ROBO2: variants seen among roughly 807,000 people sequenced by gnomAD.
ROBO2 encodes the protein roundabout guidance receptor 2, also known as roundabout homolog 2.
Under a neutral mutation model 160.8 loss-of-function variants are expected in ROBO2, and 53 were observed. The observed-to-expected ratio is 0.33, with a 90% CI of 0.26 to 0.41. The LOEUF (loss-of-function observed/expected upper bound fraction) is 0.41. Ranked by LOEUF, ROBO2 falls within the 10% of genes least tolerant of loss-of-function variation. The pLI, the probability that ROBO2 is intolerant of heterozygous loss-of-function variation, is 1.00. For missense variants in ROBO2, 1,577 were observed against 1,722.4 expected (o/e 0.92, Z 1.49); for synonymous variants, 664 against 611.7 (o/e 1.09, Z -1.26).
At chr3:77,324,150 C>T (rs1327982977) in intron 2 of ROBO2, among the ~76,000 whole-genome samples, 2 of 152,150 alleles carry the variant, frequency 1.3e-5, no homozygotes, top group Admixed American at 1.3e-4. Flanking sequence ...TCAACACAGT[C>T]TCCATGATAA....
At chr3:77,376,128 G>A (rs2072612207) in intron 2 of ROBO2, among the ~76,000 whole-genome samples, 1 of 146,880 alleles carries the variant, frequency 6.8e-6, no homozygotes, top group South Asian at 2.2e-4. Context: ...AAAGGCAAAT[G>A]AACATTACAA....
intron 19 of ROBO2, among the ~76,000 whole-genome samples, chr3:77,601,806 T>C (rs2094435727): frequency 6.6e-6 from 1 of 152,234 alleles, no homozygotes. Flanking sequence ...AGTCCATGTC[T>C]CTTGGGATAA....
At chr3:77,255,230 G>A (rs191550844) in intron 2 of ROBO2, among the ~76,000 whole-genome samples, 2 of 152,164 alleles carry the variant, frequency 1.3e-5, no homozygotes, top group Non-Finnish European at 2.9e-5. Context: ...AAAATGTTGA[G>A]CAAGCCTTTC....
At chr3:76,729,322 T>C (rs2093599117) in intron 2 of ROBO2, among the ~76,000 whole-genome samples, 1 of 152,034 alleles carries the variant, frequency 6.6e-6, no homozygotes. Flanking sequence ...GATATAGTAA[T>C]AAAAATCATA....
chr3:76,386,581 G>A (rs1452488724), intron 2 of ROBO2, among the ~76,000 whole-genome samples: 2 of 152,006 alleles, frequency 1.3e-5, no homozygotes, highest in African/African-American at 2.4e-5. Context: ...TCTTCAAAAT[G>A]AGGCCAATTG....
At chr3:76,676,279 T>C (rs2092405766) in intron 2 of ROBO2, among the ~76,000 whole-genome samples, 1 of 151,700 alleles carries the variant, frequency 6.6e-6, no homozygotes, top group African/African-American at 2.4e-5. Flanking sequence ...GATCTGATGG[T>C]TTTGTAAAGG....
intron 2 of ROBO2, among the ~76,000 whole-genome samples, chr3:76,685,987 T>G (rs1019954590): frequency 6.6e-6 from 1 of 152,152 alleles, no homozygotes; most frequent in Non-Finnish European, 1.5e-5. Flanking sequence ...AGCAAAAGGT[T>G]AATGAGAAGC....
intron 2 of ROBO2, among the ~76,000 whole-genome samples, chr3:76,178,839 G>A (rs944930804): frequency 5.3e-5 from 8 of 152,054 alleles, no homozygotes; most frequent in Admixed American, 2.0e-4. Context: ...TACTCCGGAG[G>A]CTGAAGCAGG....
intron 2 of ROBO2, among the ~76,000 whole-genome samples, chr3:76,189,730 A>G (rs1701922655): frequency 6.6e-6 from 1 of 152,106 alleles, no homozygotes; most frequent in Admixed American, 6.6e-5. Flanking sequence ...TTTTCTATGA[A>G]AAGAAGAGCT....
chr3:77,121,996 A>C (rs1191675633), intron 2 of ROBO2, among the ~76,000 whole-genome samples: 1 of 152,158 alleles, frequency 6.6e-6, no homozygotes, highest in Admixed American at 6.5e-5. Flanking sequence ...ACAGCTAGCC[A>C]GAGGGGATTT....
intron 2 of ROBO2, among the ~76,000 whole-genome samples, chr3:76,160,095 G>A (rs1342849962): frequency 6.6e-6 from 1 of 152,074 alleles, no homozygotes; most frequent in East Asian, 1.9e-4. Flanking sequence ...ATAAGCAAAT[G>A]TTATTTTTTG....
At chr3:76,272,523 C>T (rs912699813) in intron 2 of ROBO2, among the ~76,000 whole-genome samples, 3 of 149,944 alleles carry the variant, frequency 2.0e-5, no homozygotes, top group African/African-American at 4.9e-5. Context: ...ATTAGCTGGG[C>T]GTGGTGGCGC....
intron 2 of ROBO2, among the ~76,000 whole-genome samples, chr3:76,508,676 G>A (rs546057279): frequency 6.2e-4 from 94 of 152,224 alleles, no homozygotes; most frequent in African/African-American, 1.8e-3. Flanking sequence ...ATAAGTTGCT[G>A]AAGCAAATAT....
At chr3:76,173,697 CT>C (rs1246269066) in intron 2 of ROBO2, among the ~76,000 whole-genome samples, 4 of 151,968 alleles carry the variant, frequency 2.6e-5, no homozygotes, top group East Asian at 3.9e-4. Flanking sequence ...TGAGCTCATT[CT>C]TTTTTTATGG....
chr3:76,326,356 AT>A (rs895785784), intron 2 of ROBO2, among the ~76,000 whole-genome samples: 3 of 151,758 alleles, frequency 2.0e-5, no homozygotes, highest in African/African-American at 7.2e-5. Context: ...CCTGTCCAGT[AT>A]TTTTTTTGAT....
rs1380947590 is a variant in ROBO2 at position 77,318,953 on chromosome 3, A to G, written c.389-158461A>G. Among the ~76,000 whole-genome samples the G allele has an allele frequency of 2.0e-5, 3 of 152,338 alleles. No homozygotes were observed. The East Asian group carries it at 5.8e-4, about 29-fold the overall frequency. On this transcript the variant is annotated intron_variant, in intron 2 of 25. Transcript: ENST00000461745. The stretch of plus-strand genomic sequence containing the variant: ...TCTTTTCTTAGATGACAATGGTTCT[A>G]ATCCATCTTCTATCAAAGTCTCTAT...
At position 75,928,904 on chromosome 3, in the gene ROBO2, T is replaced by C. The variant is rs148675792; in HGVS notation, c.-13-8577T>C. Among the ~76,000 whole-genome samples the C allele has an allele frequency of 6.2e-3, 674 of 109,566 alleles. 19 individuals are homozygous for C. Among genetic ancestry groups the C allele is most frequent in the African/African-American group, 0.024 (654 of 26,826 alleles). The allele number at this position is 109,566 out of a possible 152,430, so 71.9% of individuals were successfully genotyped here. A position where few individuals can be genotyped will look rare whatever the true frequency, so the allele number is the denominator to read the frequency against. Reference sequence around the variant, plus strand: ...TGTGTGTGTGTGTGTGTGTGTGTGATAGCTGATGATTATAGAATGATCTAT... The same window carrying C: ...TGTGTGTGTGTGTGTGTGTGTGTGACAGCTGATGATTATAGAATGATCTAT... On this transcript the variant is annotated intron_variant, in intron 1 of 26. Coordinates refer to the ROBO2 transcript ENST00000487694.
At chr3:76,203,274 A>C (rs1350931746) in intron 2 of ROBO2, among the ~76,000 whole-genome samples, 1 of 152,190 alleles carries the variant, frequency 6.6e-6, no homozygotes, top group Non-Finnish European at 1.5e-5. Flanking sequence ...CAAAAAACTC[A>C]GAAGGAGGAA....
At chr3:77,110,685 A>G (rs2073455973) in intron 2 of ROBO2, among the ~76,000 whole-genome samples, 1 of 146,450 alleles carries the variant, frequency 6.8e-6, no homozygotes, top group African/African-American at 2.5e-5. Context: ...ATGTATATAC[A>G]TATATATATA....
Sources: gnomAD v4.1 joint callset for allele counts (sites outside exome capture counted in the v4.1 genomes callset) on GRCh38, gnomAD v4.1.1 for gene constraint, MANE v1.5 for transcripts, NCBI Gene and HGNC (gene_info 2026-07-23, HGNC 2026-07-21) for gene names.